The following SPATS1 variants were observed in gnomAD, a reference collection of about 807,000 sequenced individuals.
SPATS1 encodes spermatogenesis associated serine rich 1.
A neutral mutation model predicts 33.6 loss-of-function variants in SPATS1; 23 were observed. The ratio of observed to expected loss-of-function variants is 0.68; its 90% CI spans 0.49 to 0.97. The LOEUF (loss-of-function observed/expected upper bound fraction) is 0.97. Among genes scored for constraint, SPATS1 ranks in the 50% least tolerant of loss-of-function variants. The probability of loss-of-function intolerance (pLI) is 0.00; values close to 1 mark genes in which losing one functional copy is unlikely to be tolerated. For synonymous variants in SPATS1, 131 were observed against 125.6 expected, an observed-to-expected ratio of 1.04 and a Z score of -0.29; for missense variants, 327 against 361.0, an observed-to-expected ratio of 0.91 and a Z score of 0.76.
chr6:44,358,214 A>G (rs1376547737), intron 3 of SPATS1, among the ~76,000 whole-genome samples: 1 of 152,222 alleles, frequency 6.6e-6, no homozygotes, highest in Non-Finnish European at 1.5e-5. Context: ...AGTTGCTTTG[A>G]TGCCATTTAA....
rs746487411 is a variant in SPATS1 at position 44,361,968 on chromosome 6, A to C, written c.550A>C (p.Lys184Gln). 6.2e-7 allele frequency: 1 copy of C among 1,614,228 alleles called. No individual in the cohort carries two copies. The highest frequency in any genetic ancestry group is 1.1e-5 in the South Asian group (1 of 91,092). The change falls in exon 5 of 9, where the codon AAG (lysine) becomes CAG (glutamine). Residue 184 changes from lysine to glutamine, a missense_variant. Lys to Gln is a moderately conservative substitution (Grantham distance 53). Coordinates refer to ENST00000674044, the MANE Select transcript of SPATS1 (RefSeq NM_001372081.1). ...GTCTCTATCAGAGAGGACGGTGGACAAGTGCTTTGGGAGAAAGAAATACGG... is the reference window on the plus strand; with the variant it reads ...GTCTCTATCAGAGAGGACGGTGGACCAGTGCTTTGGGAGAAAGAAATACGG... ...KRSLSERTVD[K>Q]CFGRKKYDID...
At chr6:44,361,335 A>G in intron 4 of SPATS1, 1 of 985,426 alleles carries the variant, frequency 1.0e-6, no homozygotes, top group Non-Finnish European at 1.2e-6. Flanking sequence ...CTCATTTGAA[A>G]TTATCACAGG....
At chr6:44,353,515 T>G (rs1405797112) in intron 3 of SPATS1, among the ~76,000 whole-genome samples, 1 of 152,194 alleles carries the variant, frequency 6.6e-6, no homozygotes, top group African/African-American at 2.4e-5. Flanking sequence ...CCTCTTAAAG[T>G]GCTGGGATTA....
intron 6 of SPATS1, among the ~76,000 whole-genome samples, 165 bp from the exon 7 acceptor site, chr6:44,369,886 A>ATAAAC (rs1349995352): frequency 6.6e-6 from 1 of 150,530 alleles, no homozygotes; most frequent in Non-Finnish European, 1.5e-5. Flanking sequence ...CATACATAAA[A>ATAAAC]TAAAATAAAA....
intron 1 of SPATS1, 142 bp downstream of exon 1, chr6:44,342,910 G>A: frequency 8.0e-7 from 1 of 1,247,454 alleles, no homozygotes; most frequent in Non-Finnish European, 1.1e-6. Flanking sequence ...ACTCGCTGGG[G>A]CTCCCAGGGC....
intron 5 of SPATS1, among the ~76,000 whole-genome samples, chr6:44,364,953 C>G (rs1229558695): frequency 6.6e-6 from 1 of 152,076 alleles, no homozygotes; most frequent in Non-Finnish European, 1.5e-5. Flanking sequence ...CCACTGCCGG[C>G]TAATTCTTGT....
At chr6:44,360,928 G>A (rs543259849) in intron 4 of SPATS1, among the ~76,000 whole-genome samples, 3 of 152,158 alleles carry the variant, frequency 2.0e-5, no homozygotes, top group East Asian at 1.9e-4. Flanking sequence ...ATACATACAC[G>A]TGTACATATA....
intron 2 of SPATS1, among the ~76,000 whole-genome samples, chr6:44,346,842 A>G (rs1182997139): frequency 1.3e-5 from 2 of 152,238 alleles, no homozygotes; most frequent in African/African-American, 4.8e-5. Flanking sequence ...CTAGAACTAG[A>G]AATACCATTT....
chr6:44,373,775 C>G (rs1015641116), intron 7 of SPATS1, among the ~76,000 whole-genome samples: 2 of 152,164 alleles, frequency 1.3e-5, no homozygotes, highest in African/African-American at 4.8e-5. Flanking sequence ...GAAAAGGTCC[C>G]TATAATGTGC....
intron 7 of SPATS1, among the ~76,000 whole-genome samples, chr6:44,371,237 T>A (rs1003273323): frequency 2.6e-5 from 4 of 151,656 alleles, no homozygotes; most frequent in African/African-American, 9.7e-5. Context: ...AGTTCGAGGC[T>A]GCAGTGAGCT....
At chr6:44,368,715 T>C (rs1789397103) in intron 6 of SPATS1, among the ~76,000 whole-genome samples, 1 of 152,184 alleles carries the variant, frequency 6.6e-6, no homozygotes, top group Admixed American at 6.5e-5. Flanking sequence ...AAAGTGGTTG[T>C]TAATTTTGTT....
rs751112779 is a variant in SPATS1 at position 44,352,917 on chromosome 6, C to T, written c.287+44C>T. 17 of 1,597,156 alleles carry T rather than the reference C, an allele frequency of 1.1e-5. No homozygotes were observed. In the African/African-American group the frequency reaches 2.0e-4, roughly 19 times the overall value. On this transcript the variant is annotated intron_variant, in intron 3 of 8. Transcript: ENST00000674044. ...CAGAGCTGTCACGGTTGGGGAGATT[C>T]TGACCAAGAAGCCAATAGTCTGAGA...
At chr6:44,374,042 A>G (rs1178824238) in intron 7 of SPATS1, among the ~76,000 whole-genome samples, 1 of 152,222 alleles carries the variant, frequency 6.6e-6, no homozygotes, top group Non-Finnish European at 1.5e-5. Context: ...AGTTGAGGAC[A>G]TGTTGCAGAG....
At chr6:44,350,025 G>A (rs1437171238) in intron 2 of SPATS1, among the ~76,000 whole-genome samples, 1 of 152,074 alleles carries the variant, frequency 6.6e-6, no homozygotes, top group Non-Finnish European at 1.5e-5. Flanking sequence ...ACCTCCCCTG[G>A]GCTTGACTCC....
chr6:44,372,740 G>A (rs1050360240), intron 7 of SPATS1, among the ~76,000 whole-genome samples: 11 of 152,176 alleles, frequency 7.2e-5, no homozygotes, highest in South Asian at 2.1e-4. Context: ...GATTACAGGC[G>A]TGAGCCACCG....
At chr6:44,349,530 A>G (rs1788110683) in intron 2 of SPATS1, among the ~76,000 whole-genome samples, 1 of 152,184 alleles carries the variant, frequency 6.6e-6, no homozygotes, top group Admixed American at 6.5e-5. Flanking sequence ...CTATAAATAA[A>G]TTAAAAGAAT....
At chr6:44,348,516 G>A (rs1788037834) in intron 2 of SPATS1, among the ~76,000 whole-genome samples, 1 of 150,494 alleles carries the variant, frequency 6.6e-6, no homozygotes, top group Admixed American at 6.6e-5. Context: ...TTTTGATTTT[G>A]AACACTATAA....
chr6:44,343,311 G>T lies in SPATS1; in HGVS notation c.139+77G>T, dbSNP rs763805462. 11 of 1,540,742 alleles carry T rather than the reference G, an allele frequency of 7.1e-6. No individual in the cohort carries two copies. In the African/African-American group the frequency reaches 8.2e-5, roughly 11 times the overall value. On this transcript the variant is annotated intron_variant, in intron 2 of 8. Coordinates refer to ENST00000674044, the MANE Select transcript of SPATS1 (RefSeq NM_001372081.1). ...ACTACACCCGGGGGCGGGGGCAGGTGGGGGGCACCATTTGAAGTTTAGAAG... is the reference window on the plus strand; with the variant it reads ...ACTACACCCGGGGGCGGGGGCAGGTTGGGGGCACCATTTGAAGTTTAGAAG...
Position 44,367,918 on chromosome 6 carries a change from A to C in SPATS1, c.575-461A>C, listed in dbSNP as rs1447283875. On this transcript the variant is annotated intron_variant, in intron 5 of 8. Transcript: ENST00000674044. ...CCACCTCCCACTGCTGCATGGCCCC[A>C]GTCCTTGAGGCAGAAGGAGCAAGAC... Among the ~76,000 whole-genome samples the C allele has an allele frequency of 5.3e-5, 8 of 152,272 alleles. No individual in the cohort carries two copies. In the East Asian group the frequency reaches 1.5e-3, roughly 29 times the overall value.
Sources: allele counts gnomAD v4.1 joint callset (sites outside exome capture counted in the v4.1 genomes callset), GRCh38; gene constraint gnomAD v4.1.1; transcripts MANE v1.5; gene names NCBI Gene and HGNC (gene_info 2026-07-23, HGNC 2026-07-21).